The following UPF2 variants were observed in gnomAD, a reference collection of about 807,000 sequenced individuals.
UPF2 encodes UPF2 regulator of nonsense mediated mRNA decay, also known as regulator of nonsense transcripts 2.
UPF2 carries 17 observed loss-of-function variants against 141.4 expected under a neutral mutation model. That is an observed-to-expected ratio of 0.12 (90% CI 0.08 to 0.18). The LOEUF is 0.18. Ranked by LOEUF, UPF2 falls within the 10% of genes least tolerant of loss-of-function variation. The pLI is 1.00. For missense variants in UPF2, 1,152 were observed against 1,515.9 expected, an observed-to-expected ratio of 0.76 and a Z score of 3.99; for synonymous variants, 540 against 498.0, an observed-to-expected ratio of 1.08 and a Z score of -1.12.
intron 1 of UPF2, among the ~76,000 whole-genome samples, chr10:12,041,886 A>G (rs1834740779): frequency 6.6e-6 from 1 of 152,166 alleles, no homozygotes; most frequent in Non-Finnish European, 1.5e-5. Context: ...CGTGTCGTGT[A>G]AGTCCTCTAA....
chr10:11,939,855 G>A lies in UPF2; in HGVS notation c.3378+2810C>T, dbSNP rs916163022. On this transcript the variant is annotated intron_variant, in intron 18 of 21. Coordinates refer to ENST00000357604, the MANE Select transcript of UPF2 (RefSeq NM_015542.4). The surrounding 1 kb of genome is among the most constrained non-coding windows in gnomAD (Gnocchi z 4.8). ...TTGTAGAGCATTTCACTCATTTCCT[G>A]AAAATCTGTTAGCTATTTTGCTTAT... is the stretch of plus-strand genomic sequence containing the variant. 6.6e-6 allele frequency among the ~76,000 whole-genome samples: 1 copy of A among 152,112 alleles called. No homozygotes were observed. Among genetic ancestry groups the A allele is most frequent in the Admixed American group, 6.5e-5 (1 of 15,278 alleles).
In UPF2 at chr10:11,980,569, C is replaced by G. The variant is rs558399822; in HGVS notation, c.1845-1404G>C. On this transcript the variant is annotated intron_variant, in intron 8 of 21. Transcript: ENST00000357604. The surrounding 1 kb of genome is among the most constrained non-coding windows in gnomAD (Gnocchi z 4.2). ...CCAATATGGTGAAACCCCATCTCTA[C>G]CAAAAATATAAAAATTAGCTGGGCG... 6.6e-6 allele frequency among the ~76,000 whole-genome samples: 1 copy of G among 151,792 alleles called. No homozygotes were observed. Among genetic ancestry groups the G allele is most frequent in the South Asian group, 2.1e-4 (1 of 4,818 alleles).
chr10:11,968,290 G>C (rs537164380), intron 9 of UPF2, among the ~76,000 whole-genome samples: 78 of 152,302 alleles, frequency 5.1e-4, no homozygotes, highest in African/African-American at 1.7e-3. Flanking sequence ...CCATGGTCGA[G>C]TAATTTGGAG....
rs746113535 is a variant in UPF2 at position 11,931,814 on chromosome 10, G to C, written c.3547-32C>G. The C allele has an allele frequency of 1.2e-5, 19 of 1,578,050 alleles. No homozygotes were observed. Among genetic ancestry groups the C allele is most frequent in the South Asian group, 8.3e-5 (7 of 84,638 alleles). On this transcript the variant is annotated intron_variant, in intron 19 of 21. Coordinates refer to ENST00000357604, the MANE Select transcript of UPF2 (RefSeq NM_015542.4). This position sits in a 1 kb window ranked among gnomAD's most constrained non-coding sequence, Gnocchi z 5.9. ...GAAAATAACAAAGGAGTTACAAATA[G>C]TTTGAGAACACTGAGAGAAAGAAAA...
chr10:12,017,059 A>T (rs979111103), intron 3 of UPF2, among the ~76,000 whole-genome samples: 16 of 152,046 alleles, frequency 1.1e-4, no homozygotes, highest in Admixed American at 8.5e-4. Context: ...ATTAAGAAAA[A>T]TGTTAACAGG....
At chr10:11,975,043 GT>G (rs1384334014) in intron 9 of UPF2, among the ~76,000 whole-genome samples, 4 of 152,204 alleles carry the variant, frequency 2.6e-5, no homozygotes, top group Non-Finnish European at 4.4e-5. Context: ...TAATCAAAAA[GT>G]TGGAAGATGA....
intron 15 of UPF2, 121 bp from the exon 16 acceptor site, chr10:11,948,629 A>C (rs1441070327): frequency 3.5e-6 from 4 of 1,149,702 alleles, no homozygotes; most frequent in Non-Finnish European, 3.7e-6. Flanking sequence ...TTCTCAGAAC[A>C]AAGGTAAAAG....
In UPF2 at chr10:11,921,199, C is replaced by A; in HGVS notation, c.*99G>T. The A allele has an allele frequency of 6.5e-7, 1 of 1,535,824 alleles. No individual in the cohort carries two copies. Among genetic ancestry groups the A allele is most frequent in the African/African-American group, 1.4e-5 (1 of 73,422 alleles). On this transcript the variant is annotated 3_prime_UTR_variant, in exon 22 of 22. Coordinates refer to ENST00000357604, the MANE Select transcript of UPF2 (RefSeq NM_015542.4). This position sits in a 1 kb window ranked among gnomAD's most constrained non-coding sequence, Gnocchi z 5.9. ...TTAGATTCGCAACTCTCTAGACCGA[C>A]CTGCTGAGATGTGTCCACTGCTCTC... is the stretch of plus-strand genomic sequence containing the variant.
intron 3 of UPF2, among the ~76,000 whole-genome samples, chr10:12,021,706 C>G (rs1399245170): frequency 1.3e-5 from 2 of 152,100 alleles, no homozygotes; most frequent in African/African-American, 4.8e-5. Context: ...TAACTTTGCC[C>G]TTGTGCAGTC....
Position 12,038,396 on chromosome 10 carries a change from A to T in UPF2, c.-18-2955T>A, listed in dbSNP as rs571906175. On this transcript the variant is annotated intron_variant, in intron 1 of 21. Coordinates refer to ENST00000357604, the MANE Select transcript of UPF2 (RefSeq NM_015542.4). ...CTCCATCTCACACACACACACACAC[A>T]CACACACACACACACACACACACAA... is the stretch of plus-strand genomic sequence containing the variant. Among the ~76,000 whole-genome samples the T allele has an allele frequency of 4.6e-4, 70 of 150,894 alleles. No homozygotes were observed. In the South Asian group the frequency reaches 0.014, roughly 31 times the overall value.
chr10:11,997,198 C>T lies in UPF2; in HGVS notation c.1844+474G>A, dbSNP rs141602386. ...GCAACATAATCATTAATATGATTTC[C>T]AATTCTATCCAATGAGTCTCTAGGC... is the stretch of plus-strand genomic sequence containing the variant. On this transcript the variant is annotated intron_variant, in intron 8 of 21. Transcript: ENST00000357604. Among the ~76,000 whole-genome samples the T allele has an allele frequency of 1.5e-3, 234 of 152,162 alleles. 1 individual carries two copies. The highest frequency in any genetic ancestry group is 5.2e-3 in the African/African-American group (216 of 41,536).
At chr10:12,003,385 A>G (rs1410014791) in intron 5 of UPF2, among the ~76,000 whole-genome samples, 1 of 152,208 alleles carries the variant, frequency 6.6e-6, no homozygotes, top group Non-Finnish European at 1.5e-5. Context: ...AAGGTAGTCA[A>G]ATAGGGTATG....
chr10:11,934,953 G>A (rs377255543), intron 19 of UPF2, among the ~76,000 whole-genome samples: 32 of 152,096 alleles, frequency 2.1e-4, no homozygotes, highest in African/African-American at 7.2e-4. Flanking sequence ...TACTGCTCAA[G>A]TATATCACTT....
chr10:11,950,961 T>G (rs1435351842), intron 15 of UPF2, among the ~76,000 whole-genome samples: 1 of 152,212 alleles, frequency 6.6e-6, no homozygotes, highest in Non-Finnish European at 1.5e-5. Context: ...TTTGCATAAC[T>G]GGCGAAAGTA....
At position 11,959,512 on chromosome 10, in the gene UPF2, C is replaced by T. The variant is rs1451160621; in HGVS notation, c.2185-156G>A. Among the ~76,000 whole-genome samples, 2 of 152,166 alleles carry T rather than the reference C, an allele frequency of 1.3e-5. No homozygotes were observed. The highest frequency in any genetic ancestry group is 2.4e-5 in the African/African-American group (1 of 41,446). ...CTGTGGCTCACACCTATAATCCCAG[C>T]ACTTTGGGAGACTGAGATTGCAGGA... On this transcript the variant is annotated intron_variant, in intron 11 of 21. Transcript: ENST00000357604. The surrounding 1 kb of genome is among the most constrained non-coding windows in gnomAD (Gnocchi z 5.9).
chr10:11,958,205 T>C (rs567574820), intron 12 of UPF2, among the ~76,000 whole-genome samples: 1 of 152,176 alleles, frequency 6.6e-6, no homozygotes, highest in Non-Finnish European at 1.5e-5. Context: ...TAAATTTTTT[T>C]AAAAAGTTAG....
intron 21 of UPF2, among the ~76,000 whole-genome samples, chr10:11,928,007 T>C (rs1374449292): frequency 6.6e-6 from 1 of 152,156 alleles, no homozygotes; most frequent in Non-Finnish European, 1.5e-5. Flanking sequence ...TGGGCTGTTG[T>C]AGAGCCTCGG....
chr10:11,957,166 C>T (rs776824712), intron 12 of UPF2, among the ~76,000 whole-genome samples: 3 of 151,866 alleles, frequency 2.0e-5, no homozygotes, highest in Non-Finnish European at 4.4e-5. Context: ...CTGTGGCTCA[C>T]GCTTGTAATC....
At chr10:11,928,837 C>T (rs1185402109) in intron 21 of UPF2, 1 of 178,400 alleles carries the variant, frequency 5.6e-6, no homozygotes, top group East Asian at 1.8e-4. Flanking sequence ...GGTAGGAATT[C>T]CATCAGGAAA....
Sources: allele counts gnomAD v4.1 joint callset (sites outside exome capture counted in the v4.1 genomes callset), GRCh38; gene constraint gnomAD v4.1.1; non-coding constraint Gnocchi (gnomAD v3.1); transcripts MANE v1.5; gene names NCBI Gene and HGNC (gene_info 2026-07-23, HGNC 2026-07-21).